CEP97: variants seen among roughly 807,000 people sequenced by gnomAD.
The protein encoded by CEP97 is centrosomal protein 97.
In CEP97, 43 loss-of-function variants were observed where a neutral mutation model predicts 73.1. The ratio of observed to expected loss-of-function variants is 0.59; its 90% confidence interval spans 0.46 to 0.76. The LOEUF is 0.76. Among genes scored for constraint, CEP97 ranks in the 30% least tolerant of loss-of-function variants. The probability of loss-of-function intolerance (pLI) is 0.00; values close to 1 mark genes in which losing one functional copy is unlikely to be tolerated. For missense variants in CEP97, 939 were observed against 1,014.0 expected (o/e 0.93, Z 1.00); for synonymous variants, 337 against 370.0 (o/e 0.91, Z 1.02).
chr3:101,756,034 CG>C (rs147601853), intron 7 of CEP97, among the ~76,000 whole-genome samples: 4,637 of 151,718 alleles, frequency 0.031, 261 homozygotes, highest in African/African-American at 0.11. Flanking sequence ...CACCAGGAAA[CG>C]GGATAGGATT....
chr3:101,749,901 T>C (rs1375418573), intron 6 of CEP97, among the ~76,000 whole-genome samples: 1 of 148,650 alleles, frequency 6.7e-6, no homozygotes, highest in Non-Finnish European at 1.5e-5. Flanking sequence ...ATTAGCCCTT[T>C]GTCAGATGAG....
chr3:101,752,425 A>T (rs990806540), intron 6 of CEP97, among the ~76,000 whole-genome samples: 33 of 152,004 alleles, frequency 2.2e-4, no homozygotes, highest in African/African-American at 7.7e-4. Context: ...GTATTTCCTG[A>T]ATCTGAATGT....
chr3:101,769,705 G>C lies in CEP97; in HGVS notation c.*4154G>C, dbSNP rs974261347. On this transcript the variant is annotated 3_prime_UTR_variant, in exon 11 of 11. Coordinates refer to ENST00000341893, the MANE Select transcript of CEP97 (RefSeq NM_024548.4). Reference sequence around the variant, plus strand: ...TTTATTTTGCCACATACCTTTAAAAGGTATTTATTGTGTCATAATGTTTTA... The same window carrying C: ...TTTATTTTGCCACATACCTTTAAAACGTATTTATTGTGTCATAATGTTTTA... The C allele has an allele frequency of 6.6e-6, 1 of 152,022 alleles. No individual in the cohort carries two copies. Among genetic ancestry groups the C allele is most frequent in the African/African-American group, 2.4e-5 (1 of 41,378 alleles). 9.4% of individuals were successfully genotyped at this position (152,022 alleles called of 1,614,324 possible). A position where few individuals can be genotyped will look rare whatever the true frequency, so the allele number is the denominator to read the frequency against.
chr3:101,731,053 G>A (rs1040696889), intron 4 of CEP97, among the ~76,000 whole-genome samples: 2 of 150,970 alleles, frequency 1.3e-5, no homozygotes, highest in African/African-American at 2.4e-5. Flanking sequence ...CTGACTTAAT[G>A]TGAGTCAGCT....
At chr3:101,761,028 AT>A (rs904649327) in intron 9 of CEP97, among the ~76,000 whole-genome samples, 21 of 147,878 alleles carry the variant, frequency 1.4e-4, no homozygotes, top group African/African-American at 5.2e-4. Flanking sequence ...TGCCCAGCTA[AT>A]TTTTTTTTTG....
At chr3:101,730,356 C>T (rs1008699232) in intron 4 of CEP97, among the ~76,000 whole-genome samples, 1 of 152,098 alleles carries the variant, frequency 6.6e-6, no homozygotes, top group Non-Finnish European at 1.5e-5. Flanking sequence ...ACCTCTGCCT[C>T]CCAGGTTCAA....
intron 4 of CEP97, among the ~76,000 whole-genome samples, chr3:101,730,162 G>A (rs1019064545): frequency 6.6e-6 from 1 of 152,100 alleles, no homozygotes; most frequent in African/African-American, 2.4e-5. Flanking sequence ...GACTCTAGCA[G>A]TCCTCCTGCC....
intron 6 of CEP97, among the ~76,000 whole-genome samples, chr3:101,737,759 A>G (rs1445232826): frequency 3.3e-5 from 5 of 152,220 alleles, no homozygotes; most frequent in Non-Finnish European, 7.3e-5. Flanking sequence ...AAGATCATCA[A>G]CACTACGAAG....
intron 6 of CEP97, among the ~76,000 whole-genome samples, chr3:101,735,567 C>T (rs1425422886): frequency 2.6e-5 from 4 of 152,142 alleles, no homozygotes; most frequent in Non-Finnish European, 4.4e-5. Context: ...CAGGGTGTGG[C>T]GTTGCCTCAC....
At chr3:101,736,796 A>G in intron 6 of CEP97, among the ~76,000 whole-genome samples, 1 of 152,358 alleles carries the variant, frequency 6.6e-6, no homozygotes, top group South Asian at 2.1e-4. Flanking sequence ...TTCTCCCGCA[A>G]AGGATCACAA....
chr3:101,735,946 G>A (rs1051236071), intron 6 of CEP97, among the ~76,000 whole-genome samples: 2 of 152,208 alleles, frequency 1.3e-5, no homozygotes, highest in Admixed American at 6.5e-5. Context: ...AGATACACAG[G>A]GTTGAAATTC....
At chr3:101,742,079 A>C (rs1042794867) in intron 6 of CEP97, among the ~76,000 whole-genome samples, 2 of 151,834 alleles carry the variant, frequency 1.3e-5, no homozygotes, top group Non-Finnish European at 2.9e-5. Context: ...AACAAAAAAA[A>C]CAGGAAACAA....
At chr3:101,744,004 C>CA (rs36050896) in intron 6 of CEP97, among the ~76,000 whole-genome samples, 37,609 of 111,332 alleles carry the variant, frequency 0.34, 5,553 homozygotes, top group East Asian at 0.41. Flanking sequence ...AACTCCGTCT[C>CA]AAAAAAAAAA....
Position 101,727,536 on chromosome 3 carries a change from C to CT in CEP97, c.342dup (p.Lys115Ter), listed in dbSNP as rs1239808203. On this transcript the variant is annotated frameshift_variant, in exon 3 of 11. Transcript: ENST00000341893. LOFTEE classifies it high-confidence loss of function. ...ATGGCTGAATTTGGCAGGAAATAAT[C>CT]TTAAGGTGAATGGTTTCTTTTTTGT... 1.2e-6 allele frequency: 2 copies of CT among 1,603,408 alleles called. No homozygotes were observed. Among genetic ancestry groups the CT allele is most frequent in the Non-Finnish European group, 1.7e-6 (2 of 1,175,324 alleles).
At chr3:101,749,085 C>T (rs574552118) in intron 6 of CEP97, among the ~76,000 whole-genome samples, 143 of 151,840 alleles carry the variant, frequency 9.4e-4, no homozygotes, top group African/African-American at 3.3e-3. Context: ...TGCTGGTGTG[C>T]GGCACCCATT....
In CEP97 at chr3:101,758,131, G is replaced by T; in HGVS notation, c.1525G>T (p.Glu509Ter). The T allele has an allele frequency of 6.2e-7, 1 of 1,614,138 alleles. No individual in the cohort carries two copies. The highest frequency in any genetic ancestry group is 8.5e-7 in the Non-Finnish European group (1 of 1,180,042). ...TCTTACATTTTTTCCTGAGTCAACTGAGCAGAAACAATCAGACATAAAGAA... is the reference window on the plus strand; with the variant it reads ...TCTTACATTTTTTCCTGAGTCAACTTAGCAGAAACAATCAGACATAAAGAA... ...HSLTFFPEST[E>*]QKQSDIKKPE... Residue 509 changes from glutamate to a stop codon, truncating the protein, a stop_gained, in exon 9 of 11, where the codon GAG becomes TAG. Transcript: ENST00000341893. LOFTEE classifies it high-confidence loss of function.
In CEP97 at chr3:101,727,509, G is replaced by A; in HGVS notation, c.313G>A (p.Glu105Lys). The A allele has an allele frequency of 6.2e-7, 1 of 1,611,574 alleles. No homozygotes were observed. Among genetic ancestry groups the A allele is most frequent in the Non-Finnish European group, 8.5e-7 (1 of 1,178,962 alleles). The change falls in exon 3 of 11, where the codon GAA (glutamate) becomes AAA (lysine). Residue 105 changes from glutamate (E) to lysine (K), a missense_variant. Transcript: ENST00000341893. ...VEGLKELVHL[E>K]WLNLAGNNLK... ...AGGGCTAAAGGAACTAGTACATCTG[G>A]AATGGCTGAATTTGGCAGGAAATAA...
Position 101,757,670 on chromosome 3 carries a change from A to G in CEP97, c.1064A>G (p.Asn355Ser). 6.2e-7 allele frequency: 1 copy of G among 1,613,966 alleles called. No homozygotes were observed. The highest frequency in any genetic ancestry group is 8.5e-7 in the Non-Finnish European group (1 of 1,179,864). The change falls in exon 9 of 11, where the codon AAC (asparagine) becomes AGC (serine). Residue 355 changes from asparagine (N) to serine (S), a missense_variant. Transcript: ENST00000341893. ...VIQVNSWVGI[N>S]SNDDQLFAVK... ...CAAGTGAATTCTTGGGTTGGGATAAACAGTAATGATGATCAGTTATTTGCG... is the reference window on the plus strand; with the variant it reads ...CAAGTGAATTCTTGGGTTGGGATAAGCAGTAATGATGATCAGTTATTTGCG...
chr3:101,742,400 A>G (rs1938485916), intron 6 of CEP97, among the ~76,000 whole-genome samples: 1 of 152,220 alleles, frequency 6.6e-6, no homozygotes, highest in Non-Finnish European at 1.5e-5. Context: ...GAATAATACT[A>G]TGGAGCCATA....
Sources: gnomAD v4.1 joint callset for allele counts (sites outside exome capture counted in the v4.1 genomes callset) on GRCh38, gnomAD v4.1.1 for gene constraint, MANE v1.5 for transcripts, NCBI Gene and HGNC (gene_info 2026-07-23, HGNC 2026-07-21) for gene names.